ESR1: variants seen among roughly 807,000 people sequenced by gnomAD.
ESR1 encodes estrogen receptor.
Under a neutral mutation model 52.7 loss-of-function variants are expected in ESR1, and 12 were observed. The ratio of observed to expected loss-of-function variants is 0.23; its 90% CI spans 0.15 to 0.37. The LOEUF is 0.37. ESR1 is among the 10% of genes least tolerant of loss of function. ESR1 has a pLI of 1.00. For missense variants in ESR1, 584 were observed against 779.7 expected, an observed-to-expected ratio of 0.75 and a Z score of 2.99; for synonymous variants, 305 against 316.8, an observed-to-expected ratio of 0.96 and a Z score of 0.39.
rs78359267 is a variant in ESR1, at chr6:151,888,246, T to C, written c.760+7475T>C. On this transcript the variant is annotated intron_variant, in intron 3 of 7. Coordinates refer to ENST00000206249, the MANE Select transcript of ESR1 (RefSeq NM_000125.4). ...ATAGGCATTGCATTGAATCTGTAGA[T>C]TGATTTGTGTCATATGGATATTTTT... 3.1e-4 allele frequency among the ~76,000 whole-genome samples: 47 copies of C among 152,290 alleles called. No individual in the cohort carries two copies. The East Asian group carries it at 7.9e-3, about 26-fold the overall frequency.
chr6:151,843,045 A>G (rs1256046613), intron 2 of ESR1, among the ~76,000 whole-genome samples: 1 of 152,192 alleles, frequency 6.6e-6, no homozygotes, highest in African/African-American at 2.4e-5. Context: ...GAGCAACTCT[A>G]CAGAAGAATT....
chr6:151,735,887 T>C (rs1029087917), intron 2 of ESR1, among the ~76,000 whole-genome samples: 2 of 152,008 alleles, frequency 1.3e-5, no homozygotes, highest in African/African-American at 2.4e-5. Context: ...GTCATAATAG[T>C]GAGTGAGTTA....
intron 2 of ESR1, among the ~76,000 whole-genome samples, chr6:151,730,820 A>G (rs1207254235): frequency 6.6e-6 from 1 of 152,142 alleles, no homozygotes; most frequent in Non-Finnish European, 1.5e-5. Flanking sequence ...CATTCATCCT[A>G]ATTTTTCCTT....
Position 152,098,533 on chromosome 6 carries a change from C to T in ESR1, c.1554-199C>T, listed in dbSNP as rs762012789. Among the ~76,000 whole-genome samples, 7 of 152,036 alleles carry T rather than the reference C, an allele frequency of 4.6e-5. No homozygotes were observed. Among genetic ancestry groups the T allele is most frequent in the East Asian group, 1.9e-4 (1 of 5,156 alleles). Reference sequence around the variant, plus strand: ...TAGGAGGTGGAAAATGAAAAACACACGGCCATGAGTTCCAGATTAGGGCTT... The same window carrying T: ...TAGGAGGTGGAAAATGAAAAACACATGGCCATGAGTTCCAGATTAGGGCTT... On this transcript the variant is annotated intron_variant, in intron 7 of 7. Coordinates refer to ENST00000206249, the MANE Select transcript of ESR1 (RefSeq NM_000125.4). This position sits in a 1 kb window ranked among gnomAD's most constrained non-coding sequence, Gnocchi z 5.1.
At chr6:152,000,914 C>T (rs189121979) in intron 4 of ESR1, among the ~76,000 whole-genome samples, 1 of 152,038 alleles carries the variant, frequency 6.6e-6, no homozygotes, top group Admixed American at 6.6e-5. Context: ...CAGATTTGAG[C>T]CACCCATTTT....
At chr6:152,074,422 C>A (rs2048573540) in intron 6 of ESR1, among the ~76,000 whole-genome samples, 1 of 152,070 alleles carries the variant, frequency 6.6e-6, no homozygotes, top group African/African-American at 2.4e-5. Flanking sequence ...GGCTTGATAG[C>A]TCATTTCTTT....
At chr6:151,868,680 A>ATATTCTTTATC (rs1790401194) in intron 2 of ESR1, among the ~76,000 whole-genome samples, 1 of 151,874 alleles carries the variant, frequency 6.6e-6, no homozygotes, top group African/African-American at 2.4e-5. Flanking sequence ...TGGTGTAGAT[A>ATATTCTTTATC]TACCATATAT....
At chr6:151,811,614 A>T (rs1778846379) in intron 1 of ESR1, among the ~76,000 whole-genome samples, 1 of 152,154 alleles carries the variant, frequency 6.6e-6, no homozygotes, top group Admixed American at 6.5e-5. Flanking sequence ...CTCTTTCTCA[A>T]CTTTGAATAG....
At chr6:151,969,442 C>A (rs1270601083) in intron 4 of ESR1, among the ~76,000 whole-genome samples, 1 of 152,072 alleles carries the variant, frequency 6.6e-6, no homozygotes, top group Admixed American at 6.5e-5. Flanking sequence ...GTAGAGCAAG[C>A]AAGTGCCCTT....
chr6:151,948,643 G>A (rs1218107184), intron 4 of ESR1, among the ~76,000 whole-genome samples: 1 of 151,958 alleles, frequency 6.6e-6, no homozygotes, highest in Admixed American at 6.6e-5. Context: ...ACTCTAGAAG[G>A]CCCCTCTTCC....
intron 4 of ESR1, among the ~76,000 whole-genome samples, chr6:151,998,206 C>A (rs1371336314): frequency 6.6e-6 from 1 of 152,060 alleles, no homozygotes; most frequent in Non-Finnish European, 1.5e-5. Flanking sequence ...TTTGTTATTT[C>A]TCTGAAGCAT....
In ESR1 at chr6:152,098,883, G is replaced by A. The variant is rs199967983; in HGVS notation, c.1705G>A (p.Ala569Thr). 581 of 1,614,080 alleles carry A rather than the reference G, an allele frequency of 3.6e-4. No homozygotes were observed. Among genetic ancestry groups the A allele is most frequent in the Non-Finnish European group, 4.5e-4 (536 of 1,180,050 alleles). Residue 569 changes from alanine (A) to threonine (T), a missense_variant, in exon 8 of 8, where the codon GCC becomes ACC. Ala to Thr is a moderately conservative substitution (Grantham distance 58). Around this residue, in one of 6 missense-constraint regions of ESR1, gnomAD observed 71 missense variants for 66.1 expected, o/e 1.07. Coordinates refer to ENST00000206249, the MANE Select transcript of ESR1 (RefSeq NM_000125.4). The surrounding 1 kb of genome is among the most constrained non-coding windows in gnomAD (Gnocchi z 5.1). ...GGAGGAGACGGACCAAAGCCACTTGGCCACTGCGGGCTCTACTTCATCGCA... is the reference window on the plus strand; with the variant it reads ...GGAGGAGACGGACCAAAGCCACTTGACCACTGCGGGCTCTACTTCATCGCA... ...SVEETDQSHL[A>T]TAGSTSSHSL...
At chr6:151,808,394 G>C (rs779024183) in intron 1 of ESR1, 30 bp downstream of exon 1, 46 of 1,371,972 alleles carry the variant, frequency 3.4e-5, no homozygotes, top group African/African-American at 4.9e-5. Context: ...CCGTCGGGGT[G>C]GCCGCCGCGC....
At chr6:151,897,306 GCTGT>G (rs1170079972) in intron 3 of ESR1, among the ~76,000 whole-genome samples, 1 of 152,084 alleles carries the variant, frequency 6.6e-6, no homozygotes, top group Non-Finnish European at 1.5e-5. Context: ...TTATTGTATT[GCTGT>G]CTGTCTCATT....
intron 4 of ESR1, among the ~76,000 whole-genome samples, chr6:151,995,057 T>C (rs1416109724): frequency 6.6e-6 from 1 of 152,100 alleles, no homozygotes; most frequent in Non-Finnish European, 1.5e-5. Flanking sequence ...TTAGGGAAGA[T>C]ACAAGGAGGG....
intron 1 of ESR1, among the ~76,000 whole-genome samples, chr6:151,667,907 A>C (rs1323568607): frequency 6.6e-6 from 1 of 152,270 alleles, no homozygotes; most frequent in African/African-American, 2.4e-5. Context: ...CTGTATGTAC[A>C]TATTAATCAG....
intron 4 of ESR1, among the ~76,000 whole-genome samples, chr6:151,988,975 C>A (rs567966415): frequency 1.3e-3 from 202 of 152,082 alleles, no homozygotes; most frequent in Non-Finnish European, 2.5e-3. Flanking sequence ...GGGAATAATA[C>A]CTTTATAAAG....
chr6:152,070,454 C>A (rs2048274510), intron 6 of ESR1, among the ~76,000 whole-genome samples: 1 of 138,228 alleles, frequency 7.2e-6, no homozygotes. Context: ...ATGAATTTTT[C>A]TTTCCCTGTA....
At chr6:152,027,928 G>T (rs957339674) in intron 5 of ESR1, among the ~76,000 whole-genome samples, 1 of 152,030 alleles carries the variant, frequency 6.6e-6, no homozygotes, top group African/African-American at 2.4e-5. Flanking sequence ...TAGATCATAA[G>T]GTTAGCAGAT....
Sources: allele counts gnomAD v4.1 joint callset (sites outside exome capture counted in the v4.1 genomes callset), GRCh38; gene constraint gnomAD v4.1.1; regional missense constraint gnomAD v4.1.1; non-coding constraint Gnocchi (gnomAD v3.1); transcripts MANE v1.5; gene names NCBI Gene and HGNC (gene_info 2026-07-23, HGNC 2026-07-21).